Variants in PPP2R5D observed in about 807,000 individuals in gnomAD.
The protein encoded by PPP2R5D is serine/threonine-protein phosphatase 2A 56 kDa regulatory subunit delta isoform.
In PPP2R5D, 12 loss-of-function variants were observed where a neutral mutation model predicts 79.1. That is an observed-to-expected ratio of 0.15 (90% CI 0.10 to 0.25). The LOEUF (loss-of-function observed/expected upper bound fraction) is 0.25, where lower values mean the gene tolerates loss of function less well. Ranked by LOEUF, PPP2R5D falls within the 10% of genes least tolerant of loss-of-function variation. PPP2R5D has a pLI of 1.00. For missense variants in PPP2R5D, 419 were observed against 760.2 expected (o/e 0.55, Z 5.28); for synonymous variants, 277 against 286.6 (o/e 0.97, Z 0.34).
rs764041360 is a variant in PPP2R5D, at chr6:43,011,205, C to T, written c.1728C>T (p.Pro576=). The T allele has an allele frequency of 1.2e-6, 2 of 1,614,120 alleles. No individual in the cohort carries two copies. The highest frequency in any genetic ancestry group is 2.2e-5 in the East Asian group (1 of 44,888). The change falls in exon 16 of 16, where the codon CCC becomes CCT. Residue 576 remains proline (P), a synonymous_variant. Transcript: ENST00000485511. ...TGCTGCGGAGGAAGTCGGAGCTGCC[C>T]CAGGACGTGTACACCATCAAGGCAC... ...KVLLRRKSEL[P]QDVYTIKALE... is the part of the protein sequence containing the mutation.
intron 2 of PPP2R5D, among the ~76,000 whole-genome samples, chr6:42,991,594 T>C (rs1015972848): frequency 2.0e-5 from 3 of 152,178 alleles, no homozygotes; most frequent in Admixed American, 6.5e-5. Flanking sequence ...GAGAGCTCCA[T>C]GAGGCTCTCA....
chr6:43,003,326 G>A (rs943364295), intron 2 of PPP2R5D, among the ~76,000 whole-genome samples: 1 of 152,134 alleles, frequency 6.6e-6, no homozygotes, highest in Non-Finnish European at 1.5e-5. Flanking sequence ...GGAGGCTGAG[G>A]CAGGAGAATC....
At chr6:43,000,571 C>A (rs1772110800) in intron 2 of PPP2R5D, among the ~76,000 whole-genome samples, 1 of 152,104 alleles carries the variant, frequency 6.6e-6, no homozygotes, top group Non-Finnish European at 1.5e-5. Context: ...AACATTGAGG[C>A]CTTCCTTTTC....
Position 42,984,695 on chromosome 6 carries a change from A to G in PPP2R5D, c.18A>G (p.Lys6=). The change falls in exon 1 of 16, where the codon AAA becomes AAG. Residue 6 remains lysine, a synonymous_variant. Coordinates refer to ENST00000485511, the MANE Select transcript of PPP2R5D (RefSeq NM_006245.4). The part of the protein sequence containing the change: MPYKL[K]KEKEPPKVAK... ...GGGCCGAGATGCCCTATAAACTGAAAAAGGAGAAGGTGAGCGTGGCCCTTT... is the reference window on the plus strand; with the variant it reads ...GGGCCGAGATGCCCTATAAACTGAAGAAGGAGAAGGTGAGCGTGGCCCTTT... The G allele has an allele frequency of 6.2e-7, 1 of 1,612,146 alleles. No homozygotes were observed.
Position 43,012,105 on chromosome 6 carries a change from C to G in PPP2R5D, c.*819C>G. 2 of 691,186 alleles carry G rather than the reference C, an allele frequency of 2.9e-6. No individual in the cohort carries two copies. Among genetic ancestry groups the G allele is most frequent in the Non-Finnish European group, 3.6e-6 (2 of 556,486 alleles). 42.8% of individuals were successfully genotyped at this position (691,186 alleles called of 1,614,324 possible). On this transcript the variant is annotated 3_prime_UTR_variant, in exon 16 of 16. Coordinates refer to ENST00000485511, the MANE Select transcript of PPP2R5D (RefSeq NM_006245.4). ...GCCCCAAGCATGGCTCCTGCCAACA[C>G]CTATTTATTTCCTTGTTTGTGCTAT...
intron 2 of PPP2R5D, among the ~76,000 whole-genome samples, chr6:42,996,046 A>C (rs1313023762): frequency 7.5e-6 from 1 of 134,138 alleles, no homozygotes; most frequent in African/African-American, 2.8e-5. Context: ...AGGTTTCACC[A>C]TGTTGGCCAG....
intron 15 of PPP2R5D, 72 bp downstream of exon 15, chr6:43,011,069 G>A (rs1762329572): frequency 6.2e-7 from 1 of 1,610,618 alleles, no homozygotes; most frequent in African/African-American, 1.3e-5. Context: ...AAACAGCAGA[G>A]CCAAAGAATA....
intron 2 of PPP2R5D, among the ~76,000 whole-genome samples, chr6:43,004,053 G>A (rs2150273927): frequency 6.8e-6 from 1 of 146,186 alleles, no homozygotes; most frequent in African/African-American, 2.5e-5. Context: ...GTCTCGCTCT[G>A]TCGCCCAGGC....
Position 43,011,148 on chromosome 6 carries a change from G to C in PPP2R5D, c.1672-1G>C, listed in dbSNP as rs780856765. ...CTCACCTTGTCCCTATTCACACACAGATGCTAAAAGACATCAAGAAGGAGA... is the reference window on the plus strand; with the variant it reads ...CTCACCTTGTCCCTATTCACACACACATGCTAAAAGACATCAAGAAGGAGA... On this transcript the variant is annotated splice_acceptor_variant, in intron 15 of 15. Coordinates refer to ENST00000485511, the MANE Select transcript of PPP2R5D (RefSeq NM_006245.4). LOFTEE classifies it high-confidence loss of function. The C allele has an allele frequency of 1.2e-6, 2 of 1,614,046 alleles. No individual in the cohort carries two copies. The highest frequency in any genetic ancestry group is 1.7e-6 in the Non-Finnish European group (2 of 1,180,014).
At chr6:42,998,902 G>T (rs201098307) in intron 2 of PPP2R5D, among the ~76,000 whole-genome samples, 2 of 152,270 alleles carry the variant, frequency 1.3e-5, no homozygotes, top group East Asian at 3.9e-4. Flanking sequence ...AGGCCTAGTG[G>T]TGCACGCCTG....
chr6:43,009,063 G>A lies in PPP2R5D; in HGVS notation c.1087G>A (p.Val363Met). The A allele has an allele frequency of 6.2e-7, 1 of 1,613,796 alleles. No individual in the cohort carries two copies. The highest frequency in any genetic ancestry group is 8.5e-7 in the Non-Finnish European group (1 of 1,179,844). ...KESSLTEPVIVGLLKFWPKTH... is the reference protein window; with the variant it reads ...KESSLTEPVIMGLLKFWPKTH... ...TGCCCTCCTTGTCTCCCAGGTAATT[G>A]TGGGACTTCTCAAGTTTTGGCCCAA... The change falls in exon 11 of 16, where the codon GTG (valine) becomes ATG (methionine). Residue 363 changes from valine to methionine, a missense_variant. By Grantham distance (21) the Val-to-Met change is conservative (BLOSUM62 1). Around this residue, in one of 5 missense-constraint regions of PPP2R5D, gnomAD observed 196 missense variants for 424.5 expected, o/e 0.46. Coordinates refer to ENST00000485511, the MANE Select transcript of PPP2R5D (RefSeq NM_006245.4). The surrounding 1 kb of genome is among the most constrained non-coding windows in gnomAD (Gnocchi z 5.6).
intron 2 of PPP2R5D, among the ~76,000 whole-genome samples, chr6:42,996,704 G>C (rs997457419): frequency 3.3e-5 from 5 of 151,954 alleles, no homozygotes; most frequent in Admixed American, 2.0e-4. Context: ...CTTTTTTTAT[G>C]GTATAGAATT....
At chr6:42,991,503 G>A (rs1029391570) in intron 2 of PPP2R5D, among the ~76,000 whole-genome samples, 2 of 152,090 alleles carry the variant, frequency 1.3e-5, no homozygotes, top group Non-Finnish European at 2.9e-5. Flanking sequence ...ACCTGGTAGC[G>A]CTGGTAGCAC....
intron 2 of PPP2R5D, among the ~76,000 whole-genome samples, chr6:42,990,904 G>A (rs1419901170): frequency 1.3e-5 from 2 of 151,666 alleles, no homozygotes; most frequent in Non-Finnish European, 2.9e-5. Context: ...TAGAGACGGT[G>A]TTTCACCATG....
Position 43,012,285 on chromosome 6 carries a change from T to C in PPP2R5D, c.*999T>C. ...ACAGAGTGATACATGCTAAGGTGGGTTGGGCTTGGACCGATGTCCCCATAT... is the reference window on the plus strand; with the variant it reads ...ACAGAGTGATACATGCTAAGGTGGGCTGGGCTTGGACCGATGTCCCCATAT... On this transcript the variant is annotated 3_prime_UTR_variant, in exon 16 of 16. Transcript: ENST00000485511. 1 of 1,364,036 alleles carries C rather than the reference T, an allele frequency of 7.3e-7. No homozygotes were observed. Among genetic ancestry groups the C allele is most frequent in the Admixed American group, 2.8e-5 (1 of 36,342 alleles). The allele number at this position is 1,364,036 out of a possible 1,614,324, so 84.5% of individuals were successfully genotyped here. A position where few individuals can be genotyped will look rare whatever the true frequency, so the allele number is the denominator to read the frequency against.
In PPP2R5D at chr6:43,006,014, C is replaced by T. The variant is rs1451153581; in HGVS notation, c.106-449C>T. Among the ~76,000 whole-genome samples the T allele has an allele frequency of 6.6e-6, 1 of 152,182 alleles. No homozygotes were observed. Among genetic ancestry groups the T allele is most frequent in the Admixed American group, 6.5e-5 (1 of 15,272 alleles). ...TTTTAGGTATGTATCTGCCATGCAC[C>T]ACCTTGCAGGTCCAGTCAAGATACA... On this transcript the variant is annotated intron_variant, in intron 2 of 15. Transcript: ENST00000485511. This position sits in a 1 kb window ranked among gnomAD's most constrained non-coding sequence, Gnocchi z 4.7.
chr6:43,000,417 AT>A (rs1772100238), intron 2 of PPP2R5D, among the ~76,000 whole-genome samples: 1 of 150,374 alleles, frequency 6.7e-6, no homozygotes, highest in Non-Finnish European at 1.5e-5. Flanking sequence ...GTTTTTTTGC[AT>A]TTTTAGTAGA....
chr6:43,009,596 G>T lies in PPP2R5D; in HGVS notation c.1379+147G>T. The T allele has an allele frequency of 8.5e-7, 1 of 1,173,270 alleles. No homozygotes were observed. Among genetic ancestry groups the T allele is most frequent in the Non-Finnish European group, 1.2e-6 (1 of 834,738 alleles). 72.7% of individuals were successfully genotyped at this position (1,173,270 alleles called of 1,614,324 possible). A position where few individuals can be genotyped will look rare whatever the true frequency, so the allele number is the denominator to read the frequency against. Reference sequence around the variant, plus strand: ...CATGTTGATAGGACCTTGAGGGGCTGACTGGAGCGAAAAGATGCCTGTGTG... The same window carrying T: ...CATGTTGATAGGACCTTGAGGGGCTTACTGGAGCGAAAAGATGCCTGTGTG... On this transcript the variant is annotated intron_variant, in intron 12 of 15. Transcript: ENST00000485511. The surrounding 1 kb of genome is among the most constrained non-coding windows in gnomAD (Gnocchi z 5.6).
Position 43,010,498 on chromosome 6 carries a change from G to C in PPP2R5D, c.1410G>C (p.Leu470=), listed in dbSNP as rs145055320. 6.2e-7 allele frequency: 1 copy of C among 1,614,130 alleles called. No homozygotes were observed. Among genetic ancestry groups the C allele is most frequent in the Non-Finnish European group, 8.5e-7 (1 of 1,180,020 alleles). Residue 470 remains leucine (L), a synonymous_variant, in exon 13 of 16, where the codon CTG becomes CTC. Coordinates refer to ENST00000485511, the MANE Select transcript of PPP2R5D (RefSeq NM_006245.4). This position sits in a 1 kb window ranked among gnomAD's most constrained non-coding sequence, Gnocchi z 4.7. ...KTIHGLIYNA[L]KLFMEMNQKL... ...TCCATGGACTGATCTATAATGCCCT[G>C]AAGTTGTTTATGGAAATGAATCAGA...
Sources: allele counts gnomAD v4.1 joint callset (sites outside exome capture counted in the v4.1 genomes callset), GRCh38; gene constraint gnomAD v4.1.1; regional missense constraint gnomAD v4.1.1; non-coding constraint Gnocchi (gnomAD v3.1); transcripts MANE v1.5; gene names NCBI Gene and HGNC (gene_info 2026-07-23, HGNC 2026-07-21).